HSPA12A: variants seen among roughly 807,000 people sequenced by gnomAD.
The protein encoded by HSPA12A is heat shock protein family A (Hsp70) member 12A, also known as heat shock 70 kDa protein 12A.
A neutral mutation model predicts 69.2 loss-of-function variants in HSPA12A; 28 were observed. That is an observed-to-expected ratio of 0.40 (90% CI 0.30 to 0.55). The LOEUF (loss-of-function observed/expected upper bound fraction) is 0.55, where lower values mean the gene tolerates loss of function less well. HSPA12A is among the 20% of genes least tolerant of loss of function. HSPA12A has a pLI of 0.38. For synonymous variants in HSPA12A, 345 were observed against 370.5 expected, an observed-to-expected ratio of 0.93 and a Z score of 0.79; for missense variants, 686 against 900.7, an observed-to-expected ratio of 0.76 and a Z score of 3.05.
chr10:116,842,011 G>A (rs1845809461), intron 1 of HSPA12A, among the ~76,000 whole-genome samples: 1 of 152,134 alleles, frequency 6.6e-6, no homozygotes, highest in South Asian at 2.1e-4. Flanking sequence ...ATTACCATAA[G>A]ATTCATAACC....
intron 3 of HSPA12A, among the ~76,000 whole-genome samples, chr10:116,704,624 A>G (rs1409038206): frequency 2.6e-5 from 4 of 152,008 alleles, no homozygotes; most frequent in Non-Finnish European, 4.4e-5. Flanking sequence ...AACAAAATTT[A>G]AAAAAAATAA....
At chr10:116,807,692 G>A (rs2133177904) in intron 2 of HSPA12A, among the ~76,000 whole-genome samples, 1 of 152,296 alleles carries the variant, frequency 6.6e-6, no homozygotes, top group South Asian at 2.1e-4. Flanking sequence ...TCACAGAGGT[G>A]AACTGTCATT....
rs376688865 is a variant in HSPA12A at position 116,760,285 on chromosome 10, C to T, written c.92-53000G>A. ...AGCCAGACCCAGTCTCTATTACTTG[C>T]AGCCAAAGAACTCTAACCAGCCCAT... On this transcript the variant is annotated intron_variant, in intron 2 of 12. Coordinates refer to the HSPA12A transcript ENST00000635765. Among the ~76,000 whole-genome samples the T allele has an allele frequency of 4.9e-4, 74 of 152,204 alleles. No homozygotes were observed. The East Asian group carries it at 9.5e-3, about 19-fold the overall frequency.
chr10:116,774,394 AC>A (rs1453240517), intron 2 of HSPA12A, among the ~76,000 whole-genome samples: 1 of 152,136 alleles, frequency 6.6e-6, no homozygotes, highest in Admixed American at 6.5e-5. Context: ...TCAGTCCCTG[AC>A]CAGTGTGGTC....
At chr10:116,696,684 C>T (rs1554880915) in intron 5 of HSPA12A, among the ~76,000 whole-genome samples, 1 of 152,118 alleles carries the variant, frequency 6.6e-6, no homozygotes, top group Non-Finnish European at 1.5e-5. Flanking sequence ...TTGAGGACTC[C>T]CCATTAACCA....
In HSPA12A at chr10:116,748,686, C is replaced by T. The variant is rs186120040; in HGVS notation, c.92-41401G>A. 1.6e-3 allele frequency among the ~76,000 whole-genome samples: 251 copies of T among 152,222 alleles called. 1 individual carries two copies. Among genetic ancestry groups the T allele is most frequent in the African/African-American group, 4.8e-3 (201 of 41,538 alleles). ...AGCAAGTCACATCTTACATGGATGG[C>T]GGTGGGCAAAGAGAGAGAGCTTGTG... On this transcript the variant is annotated intron_variant, in intron 2 of 12. Coordinates refer to the HSPA12A transcript ENST00000635765.
intron 2 of HSPA12A, among the ~76,000 whole-genome samples, chr10:116,765,882 A>G (rs1226448848): frequency 6.6e-6 from 1 of 152,182 alleles, no homozygotes; most frequent in African/African-American, 2.4e-5. Flanking sequence ...ACAGGAACAT[A>G]CCATATGCTG....
intron 2 of HSPA12A, among the ~76,000 whole-genome samples, chr10:116,801,651 A>G (rs1844957859): frequency 6.6e-6 from 1 of 152,180 alleles, no homozygotes; most frequent in South Asian, 2.1e-4. Context: ...AAAAAAGCAT[A>G]TTTATTATAC....
In HSPA12A at chr10:116,770,751, G is replaced by C. The variant is rs145979815; in HGVS notation, c.92-63466C>G. 6.0e-4 allele frequency among the ~76,000 whole-genome samples: 91 copies of C among 152,218 alleles called. No individual in the cohort carries two copies. The East Asian group carries it at 0.017, about 29-fold the overall frequency. ...CCATAAGCCCCTCCCCAGGTGCTCGGGACAGCCCTCTGCTCTTGGAAACAA... is the reference window on the plus strand; with the variant it reads ...CCATAAGCCCCTCCCCAGGTGCTCGCGACAGCCCTCTGCTCTTGGAAACAA... On this transcript the variant is annotated intron_variant, in intron 2 of 12. Transcript: ENST00000635765.
At chr10:116,849,615 C>T in exon 1 of HSPA12A, 1 of 1,550,052 alleles carries the variant, frequency 6.5e-7, no homozygotes, top group South Asian at 1.2e-5. Flanking sequence ...TAGGGAGCTG[C>T]AGAAGCTGAA....
intron 2 of HSPA12A, among the ~76,000 whole-genome samples, chr10:116,773,680 T>C (rs1469193736): frequency 6.6e-6 from 1 of 152,164 alleles, no homozygotes; most frequent in Non-Finnish European, 1.5e-5. Context: ...CCTGAGAAAG[T>C]CTTTCTCACT....
chr10:116,802,515 A>T (rs989986912), intron 2 of HSPA12A, among the ~76,000 whole-genome samples: 4 of 152,226 alleles, frequency 2.6e-5, no homozygotes, highest in Admixed American at 6.5e-5. Flanking sequence ...GAAGGTTCTT[A>T]GCAGAGGTAA....
At chr10:116,772,870 A>G (rs1844243964) in intron 2 of HSPA12A, among the ~76,000 whole-genome samples, 1 of 151,554 alleles carries the variant, frequency 6.6e-6, no homozygotes, top group Admixed American at 6.6e-5. Flanking sequence ...GATTATTATT[A>G]TTATTATTAT....
upstream of HSPA12A, among the ~76,000 whole-genome samples, chr10:116,745,788 C>G (rs1291414457): frequency 6.6e-6 from 1 of 152,172 alleles, no homozygotes; most frequent in Non-Finnish European, 1.5e-5. Flanking sequence ...GGCCCCTCCT[C>G]TCTCCTCTGT....
chr10:116,734,925 G>A (rs771751933), intron 1 of HSPA12A, among the ~76,000 whole-genome samples: 86 of 152,280 alleles, frequency 5.6e-4, no homozygotes, highest in Admixed American at 2.9e-3. Context: ...CCGGGAGGCG[G>A]AGCTTGCAGT....
chr10:116,844,927 T>G (rs957769879), intron 1 of HSPA12A, among the ~76,000 whole-genome samples: 5 of 152,250 alleles, frequency 3.3e-5, no homozygotes, highest in African/African-American at 1.2e-4. Context: ...AAATTCTTTT[T>G]GAAATGCAGA....
Position 116,686,155 on chromosome 10 carries a change from C to G in HSPA12A, c.664-2193G>C, listed in dbSNP as rs1172567680. Among the ~76,000 whole-genome samples, 1 of 152,190 alleles carries G rather than the reference C, an allele frequency of 6.6e-6. No homozygotes were observed. The highest frequency in any genetic ancestry group is 1.9e-4 in the East Asian group (1 of 5,182). On this transcript the variant is annotated intron_variant, in intron 6 of 11. Transcript: ENST00000369209. This position sits in a 1 kb window ranked among gnomAD's most constrained non-coding sequence, Gnocchi z 4.1. ...CTCTCACAGGGTCACATTAGACATCCTTAGCACAAACATGGCTGGAGGTTA... is the reference window on the plus strand; with the variant it reads ...CTCTCACAGGGTCACATTAGACATCGTTAGCACAAACATGGCTGGAGGTTA...
intron 5 of HSPA12A, 137 bp downstream of exon 5, chr10:116,698,498 G>T: frequency 1.7e-6 from 1 of 605,284 alleles, no homozygotes; most frequent in Non-Finnish European, 3.0e-6. Flanking sequence ...ATCCTGTTGT[G>T]TTGACTCCAA....
chr10:116,795,683 C>A (rs1227645355), intron 2 of HSPA12A, among the ~76,000 whole-genome samples: 132 of 122,622 alleles, frequency 1.1e-3, no homozygotes, highest in African/African-American at 3.3e-3. Context: ...GATTCTGTCT[C>A]AAAAAAAAAA....
Sources: allele counts gnomAD v4.1 joint callset (sites outside exome capture counted in the v4.1 genomes callset), GRCh38; gene constraint gnomAD v4.1.1; non-coding constraint Gnocchi (gnomAD v3.1); transcripts MANE v1.5; gene names NCBI Gene and HGNC (gene_info 2026-07-23, HGNC 2026-07-21).